Variants in CNTNAP2 observed in about 807,000 individuals in gnomAD.
CNTNAP2 encodes contactin associated protein 2, also known as contactin-associated protein-like 2.
Under a neutral mutation model 155.2 loss-of-function variants are expected in CNTNAP2, and 98 were observed. That is an observed-to-expected ratio of 0.63 (90% CI 0.54 to 0.75). The LOEUF (loss-of-function observed/expected upper bound fraction) is 0.75. Among genes scored for constraint, CNTNAP2 ranks in the 30% least tolerant of loss-of-function variants. CNTNAP2 has a pLI of 0.00. For synonymous variants in CNTNAP2, 651 were observed against 631.2 expected, an observed-to-expected ratio of 1.03 and a Z score of -0.47; for missense variants, 1,727 against 1,688.1, an observed-to-expected ratio of 1.02 and a Z score of -0.40.
chr7:147,549,089 G>T (rs1334006920), intron 11 of CNTNAP2, among the ~76,000 whole-genome samples: 1 of 152,008 alleles, frequency 6.6e-6, no homozygotes, highest in Non-Finnish European at 1.5e-5. Flanking sequence ...GCTATTTGGG[G>T]TCTTCTTTGA....
chr7:146,429,826 T>A (rs1796147101), intron 1 of CNTNAP2, among the ~76,000 whole-genome samples: 1 of 152,160 alleles, frequency 6.6e-6, no homozygotes, highest in African/African-American at 2.4e-5. Flanking sequence ...GCTTCCAGCT[T>A]TTGCCCATTC....
At chr7:147,343,076 T>TG (rs1401847750) in intron 9 of CNTNAP2, among the ~76,000 whole-genome samples, 1 of 152,152 alleles carries the variant, frequency 6.6e-6, no homozygotes, top group East Asian at 1.9e-4. Context: ...AATCAATACA[T>TG]GTTTGTTGAA....
intron 1 of CNTNAP2, among the ~76,000 whole-genome samples, chr7:146,155,961 C>G (rs2116787080): frequency 6.6e-6 from 1 of 152,134 alleles, no homozygotes; most frequent in East Asian, 1.9e-4. Context: ...ACCTCGGCCT[C>G]CCAAAGTGCT....
intron 14 of CNTNAP2, among the ~76,000 whole-genome samples, chr7:147,910,275 G>A (rs10488348): frequency 0.21 from 31,482 of 151,944 alleles, 3,512 homozygotes; most frequent in Middle Eastern, 0.33. Flanking sequence ...ATTCTCATTC[G>A]TCATGTTGTT....
At chr7:147,903,853 C>G in intron 14 of CNTNAP2, 132 bp downstream of exon 14, 1 of 1,143,370 alleles carries the variant, frequency 8.7e-7, no homozygotes, top group East Asian at 2.6e-5. Flanking sequence ...GGAACTAACC[C>G]AACTGACAAA....
At chr7:148,105,110 A>G (rs1804179549) in intron 15 of CNTNAP2, among the ~76,000 whole-genome samples, 1 of 152,254 alleles carries the variant, frequency 6.6e-6, no homozygotes, top group Admixed American at 6.5e-5. Flanking sequence ...AGAGGAACAC[A>G]TGAAAGTAAT....
chr7:147,422,815 C>T (rs1416339932), intron 10 of CNTNAP2, among the ~76,000 whole-genome samples: 1 of 152,088 alleles, frequency 6.6e-6, no homozygotes, highest in African/African-American at 2.4e-5. Flanking sequence ...TTTCAAAACC[C>T]TTTAAATACT....
intron 15 of CNTNAP2, among the ~76,000 whole-genome samples, chr7:148,086,568 CA>C (rs1361637178): frequency 1.3e-5 from 2 of 152,146 alleles, no homozygotes; most frequent in Non-Finnish European, 2.9e-5. Context: ...AGATTAAAAT[CA>C]GTTATAAATG....
chr7:146,431,610 G>C (rs1394284614), intron 1 of CNTNAP2, among the ~76,000 whole-genome samples: 2 of 151,956 alleles, frequency 1.3e-5, no homozygotes, highest in Non-Finnish European at 2.9e-5. Flanking sequence ...TTTTATAATA[G>C]ATCAATGAGT....
intron 13 of CNTNAP2, among the ~76,000 whole-genome samples, chr7:147,708,744 C>T (rs1445111875): frequency 1.3e-5 from 2 of 152,146 alleles, no homozygotes; most frequent in Non-Finnish European, 2.9e-5. Flanking sequence ...GGCAGCCTCA[C>T]TTCCCCTTCC....
intron 1 of CNTNAP2, among the ~76,000 whole-genome samples, chr7:146,138,507 A>G (rs1339114291): frequency 1.3e-5 from 2 of 152,170 alleles, no homozygotes; most frequent in Non-Finnish European, 2.9e-5. Flanking sequence ...TATGTTGAAC[A>G]ATATAGACCA....
At chr7:146,421,706 A>G (rs1563077489) in intron 1 of CNTNAP2, among the ~76,000 whole-genome samples, 1 of 151,990 alleles carries the variant, frequency 6.6e-6, no homozygotes, top group Non-Finnish European at 1.5e-5. Context: ...TATAGATGAA[A>G]GTGAATATGC....
intron 21 of CNTNAP2, among the ~76,000 whole-genome samples, chr7:148,319,794 A>G (rs1030594384): frequency 6.6e-6 from 1 of 151,846 alleles, no homozygotes; most frequent in Non-Finnish European, 1.5e-5. Flanking sequence ...CAGGATAACA[A>G]GCTCAGGGCT....
chr7:146,509,002 A>G (rs953081750), intron 1 of CNTNAP2, among the ~76,000 whole-genome samples: 1 of 152,162 alleles, frequency 6.6e-6, no homozygotes, highest in Non-Finnish European at 1.5e-5. Flanking sequence ...TAGTCACCTC[A>G]TGTATGCAGC....
At chr7:146,653,521 T>C (rs1309405064) in intron 1 of CNTNAP2, among the ~76,000 whole-genome samples, 1 of 152,152 alleles carries the variant, frequency 6.6e-6, no homozygotes, top group Non-Finnish European at 1.5e-5. Flanking sequence ...ACATGTAAAC[T>C]ACTCTTTGAA....
chr7:146,600,229 A>G (rs1408663731), intron 1 of CNTNAP2, among the ~76,000 whole-genome samples: 13 of 152,178 alleles, frequency 8.5e-5, no homozygotes, highest in Admixed American at 8.5e-4. Flanking sequence ...GGCTGTGCTA[A>G]GTAGCAAAAT....
intron 9 of CNTNAP2, among the ~76,000 whole-genome samples, chr7:147,320,174 T>C (rs570972139): frequency 6.6e-6 from 1 of 152,290 alleles, no homozygotes; most frequent in African/African-American, 2.4e-5. Context: ...CCCCATTCCA[T>C]ACAGCAGGAA....
chr7:148,353,781 A>G (rs1391644207), intron 21 of CNTNAP2, among the ~76,000 whole-genome samples: 1 of 152,252 alleles, frequency 6.6e-6, no homozygotes, highest in African/African-American at 2.4e-5. Flanking sequence ...GGCAAAACTC[A>G]TCAAACTAGG....
intron 1 of CNTNAP2, among the ~76,000 whole-genome samples, chr7:146,616,154 G>A (rs1799220233): frequency 6.6e-6 from 1 of 152,058 alleles, no homozygotes; most frequent in Non-Finnish European, 1.5e-5. Flanking sequence ...GGATGAGAGA[G>A]AAACAGGAAA....
Sources: allele counts gnomAD v4.1 joint callset (sites outside exome capture counted in the v4.1 genomes callset), GRCh38; gene constraint gnomAD v4.1.1; transcripts MANE v1.5; gene names NCBI Gene and HGNC (gene_info 2026-07-23, HGNC 2026-07-21).